TRIP13: variants seen among roughly 807,000 people sequenced by gnomAD.
TRIP13 encodes pachytene checkpoint protein 2 homolog.
Under a neutral mutation model 54.4 loss-of-function variants are expected in TRIP13, and 25 were observed. The ratio of observed to expected loss-of-function variants is 0.46; its 90% CI spans 0.33 to 0.64. TRIP13 has a LOEUF of 0.64. TRIP13 is among the 30% of genes least tolerant of loss of function. TRIP13 has a pLI of 0.02. For missense variants in TRIP13, 373 were observed against 534.2 expected (o/e 0.70, Z 2.97); for synonymous variants, 207 against 207.8 (o/e 1.00, Z 0.03).
rs1754221787 is a variant in TRIP13, at chr5:911,110, A to G, written c.867-733A>G. On this transcript the variant is annotated intron_variant, in intron 9 of 12. Transcript: ENST00000166345. This position sits in a 1 kb window ranked among gnomAD's most constrained non-coding sequence, Gnocchi z 4.7. ...GACATTGGTCAACAGACCAGACAAC[A>G]GGGGCTCTCTCTATGGAGTTTAGAC... is the stretch of plus-strand genomic sequence containing the variant. Among the ~76,000 whole-genome samples the G allele has an allele frequency of 6.6e-6, 1 of 152,248 alleles. No homozygotes were observed. Among genetic ancestry groups the G allele is most frequent in the East Asian group, 1.9e-4 (1 of 5,196 alleles).
chr5:894,054 C>T lies in TRIP13; in HGVS notation c.93-733C>T, dbSNP rs189115650. On this transcript the variant is annotated intron_variant, in intron 1 of 12. Coordinates refer to ENST00000166345, the MANE Select transcript of TRIP13 (RefSeq NM_004237.4). ...GTACAACTGCACCAGAGTTCATAGA[C>T]ACCTGCACACAACCGCACTATGCAT... Among the ~76,000 whole-genome samples, 25 of 152,298 alleles carry T rather than the reference C, an allele frequency of 1.6e-4. No homozygotes were observed. In the East Asian group the frequency reaches 4.4e-3, roughly 27 times the overall value.
rs1032116682 is a variant in TRIP13, at chr5:894,665, C to T, written c.93-122C>T. Reference sequence around the variant, plus strand: ...AGATTTGGTCCCAGGCAGGCCAACTCCAACTTACCCTGTTAACTACTGGGC... The same window carrying T: ...AGATTTGGTCCCAGGCAGGCCAACTTCAACTTACCCTGTTAACTACTGGGC... On this transcript the variant is annotated intron_variant, in intron 1 of 12. Transcript: ENST00000166345. The T allele has an allele frequency of 1.3e-5, 16 of 1,211,746 alleles. No homozygotes were observed. In the African/African-American group the frequency reaches 2.3e-4, roughly 18 times the overall value. 75.1% of individuals were successfully genotyped at this position (1,211,746 alleles called of 1,614,324 possible).
chr5:917,360 G>A lies in TRIP13; in HGVS notation c.*257G>A, dbSNP rs1754361630. Reference sequence around the variant, plus strand: ...GATAATTCAGATTGTTTGTCTCCTTGTGAAGAACCATCGAAACCTGTTTGT... The same window carrying A: ...GATAATTCAGATTGTTTGTCTCCTTATGAAGAACCATCGAAACCTGTTTGT... On this transcript the variant is annotated 3_prime_UTR_variant, in exon 13 of 13. Transcript: ENST00000166345. 1 of 377,924 alleles carries A rather than the reference G, an allele frequency of 2.6e-6. No homozygotes were observed. The highest frequency in any genetic ancestry group is 4.2e-5 in the South Asian group (1 of 24,028). 23.4% of individuals were successfully genotyped at this position (377,924 alleles called of 1,614,324 possible).
At chr5:910,723 C>T (rs1754213380) in intron 9 of TRIP13, among the ~76,000 whole-genome samples, 1 of 152,220 alleles carries the variant, frequency 6.6e-6, no homozygotes, top group Non-Finnish European at 1.5e-5. Context: ...CCAGTCCTGT[C>T]CACTCCCGCA....
rs61088975 is a variant in TRIP13, at chr5:911,644, T to TAGG, written c.867-197_867-196insGAG. 0.048 allele frequency among the ~76,000 whole-genome samples: 7,311 copies of TAGG among 151,584 alleles called. 197 individuals carry two copies. Among genetic ancestry groups the TAGG allele is most frequent in the African/African-American group, 0.053 (2,196 of 41,294 alleles). On this transcript the variant is annotated intron_variant, in intron 9 of 12. Transcript: ENST00000166345. The surrounding 1 kb of genome is among the most constrained non-coding windows in gnomAD (Gnocchi z 4.7). ...TGAGGGAATGAGCGAAGTGGGGCTG[T>TAGG]AGAATTCCCAGAAGGCCAAGGAGCA...
In TRIP13 at chr5:912,588, A is replaced by G. The variant is rs1343522042; in HGVS notation, c.1020+592A>G. Among the ~76,000 whole-genome samples the G allele has an allele frequency of 6.8e-6, 1 of 148,070 alleles. No homozygotes were observed. Among genetic ancestry groups the G allele is most frequent in the East Asian group, 2.0e-4 (1 of 5,004 alleles). On this transcript the variant is annotated intron_variant, in intron 10 of 12. Transcript: ENST00000166345. This position sits in a 1 kb window ranked among gnomAD's most constrained non-coding sequence, Gnocchi z 7.2. ...TCAGGAGGGCCGTCGCCACGGGCAC[A>G]GTGACGTGCGGTGAGTGTGAGTCAG... is the stretch of plus-strand genomic sequence containing the variant.
Position 907,038 on chromosome 5 carries a change from T to C in TRIP13, c.609-92T>C, listed in dbSNP as rs1754129188. 9.9e-7 allele frequency: 1 copy of C among 1,007,576 alleles called. No homozygotes were observed. The highest frequency in any genetic ancestry group is 1.6e-5 in the African/African-American group (1 of 62,376). 62.4% of individuals were successfully genotyped at this position (1,007,576 alleles called of 1,614,324 possible). On this transcript the variant is annotated intron_variant, in intron 6 of 12. Coordinates refer to ENST00000166345, the MANE Select transcript of TRIP13 (RefSeq NM_004237.4). This position sits in a 1 kb window ranked among gnomAD's most constrained non-coding sequence, Gnocchi z 4.1. ...TTGTAATTCCCCCGATGCTGGGCACTTGAGATGTTGCATTCAGGACGCGTG... is the reference window on the plus strand; with the variant it reads ...TTGTAATTCCCCCGATGCTGGGCACCTGAGATGTTGCATTCAGGACGCGTG...
rs967333741 is a variant in TRIP13 at position 913,739 on chromosome 5, G to T, written c.1021-726G>T. Among the ~76,000 whole-genome samples the T allele has an allele frequency of 6.6e-6, 1 of 152,190 alleles. No individual in the cohort carries two copies. The highest frequency in any genetic ancestry group is 2.4e-5 in the African/African-American group (1 of 41,452). Reference sequence around the variant, plus strand: ...AGTGGATATTGAACTGGTCTCGAAAGCTCAATATCCCCCAAAGCACAAGCA... The same window carrying T: ...AGTGGATATTGAACTGGTCTCGAAATCTCAATATCCCCCAAAGCACAAGCA... On this transcript the variant is annotated intron_variant, in intron 10 of 12. Transcript: ENST00000166345. The surrounding 1 kb of genome is among the most constrained non-coding windows in gnomAD (Gnocchi z 4.5).
At position 907,250 on chromosome 5, in the gene TRIP13, G is replaced by A. The variant is rs1462307190; in HGVS notation, c.672+57G>A. ...GATTGTATAGCTGAAAAAATGTCTTGTATGTTAGGCAAATCCTCCTCCAGA... is the reference window on the plus strand; with the variant it reads ...GATTGTATAGCTGAAAAAATGTCTTATATGTTAGGCAAATCCTCCTCCAGA... On this transcript the variant is annotated intron_variant, in intron 7 of 12. Coordinates refer to ENST00000166345, the MANE Select transcript of TRIP13 (RefSeq NM_004237.4). The surrounding 1 kb of genome is among the most constrained non-coding windows in gnomAD (Gnocchi z 4.1). 20 of 1,479,228 alleles carry A rather than the reference G, an allele frequency of 1.4e-5. No individual in the cohort carries two copies. Among genetic ancestry groups the A allele is most frequent in the East Asian group, 2.3e-5 (1 of 43,738 alleles). 91.6% of individuals were successfully genotyped at this position (1,479,228 alleles called of 1,614,324 possible).
Position 894,788 on chromosome 5 carries a change from A to G in TRIP13, c.94A>G (p.Thr32Ala), listed in dbSNP as rs760118435. Residue 32 changes from threonine to alanine, a missense_variant and splice_region_variant, in exon 2 of 13, where the codon ACT becomes GCT. By Grantham distance (58) the Thr-to-Ala change is moderately conservative. Coordinates refer to ENST00000166345, the MANE Select transcript of TRIP13 (RefSeq NM_004237.4). ...HVEVHQRGSSTAKKEDINLSV... is the reference protein window; with the variant it reads ...HVEVHQRGSSAAKKEDINLSV... ...GTGTGTTTTGGCTTCTTTTTTTAGC[A>G]CTGCAAAGAAAGAAGACATAAACCT... is the stretch of plus-strand genomic sequence containing the variant. 67 of 1,592,228 alleles carry G rather than the reference A, an allele frequency of 4.2e-5. No homozygotes were observed. Among genetic ancestry groups the G allele is most frequent in the Non-Finnish European group, 5.5e-5 (64 of 1,171,536 alleles).
At chr5:902,302 T>C (rs897051880) in intron 5 of TRIP13, among the ~76,000 whole-genome samples, 1 of 152,314 alleles carries the variant, frequency 6.6e-6, no homozygotes, top group East Asian at 1.9e-4. Flanking sequence ...TGAAGGGTAC[T>C]TGGCTTCTTT....
Position 907,273 on chromosome 5 carries a change from A to G in TRIP13, c.672+80A>G, listed in dbSNP as rs1754134870. 8.0e-7 allele frequency: 1 copy of G among 1,249,956 alleles called. No individual in the cohort carries two copies. Among genetic ancestry groups the G allele is most frequent in the Non-Finnish European group, 1.2e-6 (1 of 865,512 alleles). The allele number at this position is 1,249,956 out of a possible 1,614,324, so 77.4% of individuals were successfully genotyped here. ...TTGTATGTTAGGCAAATCCTCCTCC[A>G]GAAGCTTCAGGAGAGAACTGGGTGG... On this transcript the variant is annotated intron_variant, in intron 7 of 12. Transcript: ENST00000166345. This position sits in a 1 kb window ranked among gnomAD's most constrained non-coding sequence, Gnocchi z 4.1.
In TRIP13 at chr5:900,703, A is replaced by G. The variant is rs541863530; in HGVS notation, c.444+154A>G. Among the ~76,000 whole-genome samples, 10 of 152,276 alleles carry G rather than the reference A, an allele frequency of 6.6e-5. No homozygotes were observed. The East Asian group carries it at 1.5e-3, about 24-fold the overall frequency. ...TTGTCCTGGACATCTATCCTCTAGT[A>G]TTGCTCCAGAGTAGAGCTGGTCTCT... On this transcript the variant is annotated intron_variant, in intron 4 of 12. Transcript: ENST00000166345.
rs1195482252 is a variant in TRIP13 at position 915,983 on chromosome 5, C to T, written c.1203+10C>T. The T allele has an allele frequency of 1.2e-6, 2 of 1,613,768 alleles. No individual in the cohort carries two copies. Among genetic ancestry groups the T allele is most frequent in the Non-Finnish European group, 1.7e-6 (2 of 1,179,834 alleles). ...TGCGCTGTATGTCCAGGTGAGTCTC[C>T]ACTGCTGTCCTCCAGCACCCGCCCT... On this transcript the variant is annotated intron_variant, in intron 12 of 12. Coordinates refer to ENST00000166345, the MANE Select transcript of TRIP13 (RefSeq NM_004237.4). This position sits in a 1 kb window ranked among gnomAD's most constrained non-coding sequence, Gnocchi z 4.2.
rs1026876157 is a variant in TRIP13 at position 917,352 on chromosome 5, G to T, written c.*249G>T. The T allele has an allele frequency of 5.1e-6, 2 of 395,756 alleles. No individual in the cohort carries two copies. Among genetic ancestry groups the T allele is most frequent in the South Asian group, 7.9e-5 (2 of 25,358 alleles). 24.5% of individuals were successfully genotyped at this position (395,756 alleles called of 1,614,324 possible). A position where few individuals can be genotyped will look rare whatever the true frequency, so the allele number is the denominator to read the frequency against. On this transcript the variant is annotated 3_prime_UTR_variant, in exon 13 of 13. Coordinates refer to ENST00000166345, the MANE Select transcript of TRIP13 (RefSeq NM_004237.4). Reference sequence around the variant, plus strand: ...TTGTAAAAGATAATTCAGATTGTTTGTCTCCTTGTGAAGAACCATCGAAAC... The same window carrying T: ...TTGTAAAAGATAATTCAGATTGTTTTTCTCCTTGTGAAGAACCATCGAAAC...
chr5:901,254 A>T, intron 4 of TRIP13, 87 bp from the exon 5 acceptor site: 1 of 1,201,562 alleles, frequency 8.3e-7, no homozygotes, highest in Non-Finnish European at 1.2e-6. Context: ...CTTCTCATGT[A>T]GGATTAAGCC....
Position 893,065 on chromosome 5 carries a change from G to A in TRIP13, c.67G>A (p.Val23Met). Residue 23 changes from valine (V) to methionine (M), a missense_variant, in exon 1 of 13, where the codon GTG becomes ATG. This residue lies in a region of TRIP13 where 151 missense variants were observed against 151.9 expected (regional missense o/e 0.99). Transcript: ENST00000166345. ...TGTGGCCGAGTCGCCAACGGTCCAC[G>A]TGGAGGTGCATCAGCGCGGCAGCAG... ...PCVAESPTVH[V>M]EVHQRGSSTA... The A allele has an allele frequency of 6.3e-7, 1 of 1,598,388 alleles. No individual in the cohort carries two copies. The highest frequency in any genetic ancestry group is 8.5e-7 in the Non-Finnish European group (1 of 1,176,848).
intron 1 of TRIP13, among the ~76,000 whole-genome samples, chr5:894,112 T>G (rs1486493356): frequency 6.6e-6 from 1 of 152,028 alleles, no homozygotes; most frequent in East Asian, 1.9e-4. Context: ...CTGGGACGAT[T>G]GCAAAGGGGC....
At chr5:919,348 AGAT>A (rs1269929264), downstream of TRIP13, 2 of 152,258 alleles carry the variant, frequency 1.3e-5, no homozygotes, top group African/African-American at 2.4e-5. Context: ...ATCAAAAGAT[AGAT>A]GAGTGATAAA....
Sources: gnomAD v4.1 joint callset for allele counts (sites outside exome capture counted in the v4.1 genomes callset) on GRCh38, gnomAD v4.1.1 for gene constraint, gnomAD v4.1.1 regional missense constraint, Gnocchi (gnomAD v3.1) non-coding constraint, MANE v1.5 for transcripts, NCBI Gene and HGNC (gene_info 2026-07-23, HGNC 2026-07-21) for gene names.